The following BAZ1B variants were observed in gnomAD, a reference collection of about 807,000 sequenced individuals.
BAZ1B encodes the protein bromodomain adjacent to zinc finger domain 1B.
BAZ1B carries 22 observed loss-of-function variants against 153.8 expected under a neutral mutation model. That is an observed-to-expected ratio of 0.14 (90% CI 0.10 to 0.20). The LOEUF is 0.20. BAZ1B is among the 10% of genes least tolerant of loss of function. The pLI, the probability that BAZ1B is intolerant of heterozygous loss-of-function variation, is 1.00. For missense variants in BAZ1B, 1,325 were observed against 1,799.3 expected, an observed-to-expected ratio of 0.74 and a Z score of 4.77; for synonymous variants, 676 against 633.4, an observed-to-expected ratio of 1.07 and a Z score of -1.01.
chr7:73,476,151 G>C (rs891074881), intron 7 of BAZ1B, among the ~76,000 whole-genome samples: 1 of 151,448 alleles, frequency 6.6e-6, no homozygotes, highest in Non-Finnish European at 1.5e-5. Context: ...GCTCAGGGCT[G>C]GGGAGGATGG....
At chr7:73,518,392 G>A (rs1374320980) in intron 1 of BAZ1B, among the ~76,000 whole-genome samples, 3 of 151,286 alleles carry the variant, frequency 2.0e-5, no homozygotes, top group Admixed American at 6.6e-5. Context: ...CAGCCTGGGC[G>A]ACAGAGCGAG....
chr7:73,484,309 A>G (rs1391616831), intron 6 of BAZ1B, among the ~76,000 whole-genome samples: 2 of 151,354 alleles, frequency 1.3e-5, no homozygotes, highest in Non-Finnish European at 3.0e-5. Context: ...ATAGATAGAT[A>G]GATAGACAGA....
At chr7:73,504,390 G>A (rs181010613) in intron 3 of BAZ1B, among the ~76,000 whole-genome samples, 6 of 152,226 alleles carry the variant, frequency 3.9e-5, no homozygotes, top group African/African-American at 9.6e-5. Context: ...GCGGCCAGGC[G>A]TGGTGGCTCA....
At chr7:73,496,864 G>A (rs1375905634) in intron 4 of BAZ1B, among the ~76,000 whole-genome samples, 1 of 151,896 alleles carries the variant, frequency 6.6e-6, no homozygotes, top group East Asian at 1.9e-4. Flanking sequence ...GCCAGGCACA[G>A]TGCGTCATAC....
intron 1 of BAZ1B, among the ~76,000 whole-genome samples, chr7:73,517,754 AAAGAT>A (rs1369554484): frequency 2.0e-5 from 3 of 152,252 alleles, no homozygotes; most frequent in African/African-American, 7.2e-5. Flanking sequence ...GTAAGCTATA[AAAGAT>A]AAGATATTTT....
At position 73,447,325 on chromosome 7, in the gene BAZ1B, T is replaced by C. The variant is rs782758596; in HGVS notation, c.3783A>G (p.Glu1261=). Residue 1261 remains glutamate (E), a synonymous_variant, in exon 16 of 20, where the codon GAA becomes GAG. Coordinates refer to ENST00000339594, the MANE Select transcript of BAZ1B (RefSeq NM_032408.4). ...CCTCCTCTTCTTCCTCCTCCTCCTC[T>C]TCATCACTCTCATCATCTTCACTGT... ...SEDSEDDESD[E]EEEEEEEEEE... 19 of 1,612,880 alleles carry C rather than the reference T, an allele frequency of 1.2e-5. No individual in the cohort carries two copies. In the East Asian group the frequency reaches 3.8e-4, roughly 32 times the overall value.
chr7:73,445,592 C>G (rs1554566312), intron 16 of BAZ1B, among the ~76,000 whole-genome samples: 1 of 152,126 alleles, frequency 6.6e-6, no homozygotes, highest in Non-Finnish European at 1.5e-5. Context: ...TCAGAGAGAT[C>G]AGGCGCAGTG....
At chr7:73,498,724 C>CA in intron 3 of BAZ1B, 26 bp from the exon 4 acceptor site, 1 of 1,602,964 alleles carries the variant, frequency 6.2e-7, no homozygotes, top group Non-Finnish European at 8.5e-7. Flanking sequence ...TAGAGAAAAT[C>CA]AGAGATAATA....
At position 73,450,384 on chromosome 7, in the gene BAZ1B, TAACTC is replaced by T. The variant is rs1235037769; in HGVS notation, c.3580+458_3580+462del. On this transcript the variant is annotated intron_variant, in intron 14 of 19. Coordinates refer to ENST00000339594, the MANE Select transcript of BAZ1B (RefSeq NM_032408.4). The surrounding 1 kb of genome is among the most constrained non-coding windows in gnomAD (Gnocchi z 4.1). ...TTCATCTCTAACCTAACTCAGAAAA[TAACTC>T]TAGCCACTGAAAAGCCAATCAGCAA... Among the ~76,000 whole-genome samples, 9 of 152,242 alleles carry T rather than the reference TAACTC, an allele frequency of 5.9e-5. No individual in the cohort carries two copies. Among genetic ancestry groups the T allele is most frequent in the African/African-American group, 1.9e-4 (8 of 41,552 alleles).
chr7:73,483,056 A>C (rs1034369086), intron 6 of BAZ1B, among the ~76,000 whole-genome samples: 1 of 152,234 alleles, frequency 6.6e-6, no homozygotes, highest in Admixed American at 6.5e-5. Context: ...GGGAGGGAGA[A>C]GAAAGGACAC....
At chr7:73,484,725 A>T (rs1012002036) in intron 6 of BAZ1B, among the ~76,000 whole-genome samples, 8 of 152,224 alleles carry the variant, frequency 5.3e-5, no homozygotes, top group Non-Finnish European at 8.8e-5. Flanking sequence ...ATGCACTAAG[A>T]ATACATCAAT....
chr7:73,478,717 CAA>C (rs1554573286), intron 6 of BAZ1B, 148 bp from the exon 7 acceptor site: 2 of 686,878 alleles, frequency 2.9e-6, no homozygotes, highest in African/African-American at 3.7e-5. Context: ...CCTGAAAAAA[CAA>C]AGACATGAAT....
chr7:73,467,913 A>G (rs1788657309), intron 9 of BAZ1B, among the ~76,000 whole-genome samples: 1 of 152,214 alleles, frequency 6.6e-6, no homozygotes, highest in Non-Finnish European at 1.5e-5. Context: ...ACGAAACCAG[A>G]TTCTTCTATA....
rs1407663181 is a variant in BAZ1B at position 73,447,397 on chromosome 7, A to T, written c.3729-18T>A. On this transcript the variant is annotated intron_variant, in intron 15 of 19. Transcript: ENST00000339594. Reference sequence around the variant, plus strand: ...TATAGTTCCTGTGGGTAGAAAAAATAATGTAGGGAACACAGTTTTAGCCCA... The same window carrying T: ...TATAGTTCCTGTGGGTAGAAAAAATTATGTAGGGAACACAGTTTTAGCCCA... The T allele has an allele frequency of 2.5e-6, 4 of 1,602,366 alleles. No homozygotes were observed. In the African/African-American group the frequency reaches 5.4e-5, roughly 21 times the overall value.
rs1787600598 is a variant in BAZ1B, at chr7:73,441,169, T to C, written c.*540A>G. On this transcript the variant is annotated 3_prime_UTR_variant, in exon 20 of 20. Coordinates refer to ENST00000339594, the MANE Select transcript of BAZ1B (RefSeq NM_032408.4). ...CCAACCCAACTGCTCTAGAGGAGAG[T>C]GGATGGGCTGAAGGAGAAGCCAGGG... 6.6e-6 allele frequency: 1 copy of C among 152,432 alleles called. No homozygotes were observed. Among genetic ancestry groups the C allele is most frequent in the South Asian group, 2.1e-4 (1 of 4,814 alleles). The allele number at this position is 152,432 out of a possible 1,614,324, so 9.4% of individuals were successfully genotyped here. A position where few individuals can be genotyped will look rare whatever the true frequency, so the allele number is the denominator to read the frequency against.
chr7:73,457,934 T>G (rs1214504911), intron 13 of BAZ1B, among the ~76,000 whole-genome samples: 3 of 152,168 alleles, frequency 2.0e-5, no homozygotes, highest in Non-Finnish European at 4.4e-5. Flanking sequence ...TCCGCCACCT[T>G]CCTTGTTCCA....
intron 3 of BAZ1B, among the ~76,000 whole-genome samples, chr7:73,502,098 C>G (rs1554577215): frequency 6.6e-6 from 1 of 151,808 alleles, no homozygotes; most frequent in Non-Finnish European, 1.5e-5. Context: ...ACTATGTTGG[C>G]CAGGCTGGTC....
In BAZ1B at chr7:73,464,038, T is replaced by C. The variant is rs919854170; in HGVS notation, c.3072-939A>G. The C allele has an allele frequency of 3.2e-5, 26 of 811,252 alleles. No individual in the cohort carries two copies. In the South Asian group the frequency reaches 1.3e-3, roughly 42 times the overall value. 50.3% of individuals were successfully genotyped at this position (811,252 alleles called of 1,614,324 possible). On this transcript the variant is annotated intron_variant, in intron 11 of 19. Coordinates refer to ENST00000339594, the MANE Select transcript of BAZ1B (RefSeq NM_032408.4). Reference sequence around the variant, plus strand: ...GTCTTTCTTAATTTGCCTAGACACATCTGTATTCAGACAACACAATTCTGA... The same window carrying C: ...GTCTTTCTTAATTTGCCTAGACACACCTGTATTCAGACAACACAATTCTGA...
intron 3 of BAZ1B, among the ~76,000 whole-genome samples, chr7:73,503,809 A>T (rs1426601219): frequency 6.6e-6 from 1 of 152,066 alleles, no homozygotes; most frequent in East Asian, 1.9e-4. Flanking sequence ...AGCCTCCACC[A>T]AGACTCCCCT....
Sources: gnomAD v4.1 joint callset for allele counts (sites outside exome capture counted in the v4.1 genomes callset) on GRCh38, gnomAD v4.1.1 for gene constraint, Gnocchi (gnomAD v3.1) non-coding constraint, MANE v1.5 for transcripts, NCBI Gene and HGNC (gene_info 2026-07-23, HGNC 2026-07-21) for gene names.